Variants in GPBP1 observed in about 807,000 individuals in gnomAD.
The protein encoded by GPBP1 is vasculin.
A neutral mutation model predicts 56.5 loss-of-function variants in GPBP1; 13 were observed. That is an observed-to-expected ratio of 0.23 (90% confidence interval 0.15 to 0.37). The LOEUF is 0.37. Ranked by LOEUF, GPBP1 falls within the 10% of genes least tolerant of loss-of-function variation. The probability of loss-of-function intolerance (pLI) is 1.00; values close to 1 mark genes in which losing one functional copy is unlikely to be tolerated. For synonymous variants in GPBP1, 204 were observed against 188.9 expected (o/e 1.08, Z -0.66); for missense variants, 477 against 572.3 (o/e 0.83, Z 1.70).
At chr5:57,187,661 C>T (rs546079741) in intron 2 of GPBP1, among the ~76,000 whole-genome samples, 1 of 152,232 alleles carries the variant, frequency 6.6e-6, no homozygotes, top group East Asian at 1.9e-4. Flanking sequence ...TGACTTAATT[C>T]TTGCTCTATA....
At chr5:57,174,899 G>T (rs1249674246) in intron 1 of GPBP1, among the ~76,000 whole-genome samples, 2 of 152,218 alleles carry the variant, frequency 1.3e-5, no homozygotes, top group Non-Finnish European at 2.9e-5. Flanking sequence ...CTCCTCGGGA[G>T]AATTTAAGAA....
chr5:57,189,756 ATTGT>A (rs1299308574), intron 2 of GPBP1, among the ~76,000 whole-genome samples: 3 of 152,150 alleles, frequency 2.0e-5, no homozygotes, highest in African/African-American at 7.2e-5. Flanking sequence ...AAGGATCTGC[ATTGT>A]TTATTTGTTC....
At chr5:57,177,648 C>CTTTTT (rs58708281) in intron 2 of GPBP1, among the ~76,000 whole-genome samples, 2,216 of 91,994 alleles carry the variant, frequency 0.024, 151 homozygotes, top group Non-Finnish European at 0.034. Flanking sequence ...CAATTTTTGC[C>CTTTTT]TTTTTTTTTT....
At chr5:57,217,730 C>T (rs1476780534) in intron 3 of GPBP1, among the ~76,000 whole-genome samples, 3 of 151,958 alleles carry the variant, frequency 2.0e-5, no homozygotes, top group Non-Finnish European at 4.4e-5. Context: ...CATATTGACT[C>T]TCTTGGGTCA....
chr5:57,231,714 CTT>C (rs979123684), intron 5 of GPBP1, among the ~76,000 whole-genome samples: 1 of 152,198 alleles, frequency 6.6e-6, no homozygotes, highest in African/African-American at 2.4e-5. Context: ...AATTTGCACT[CTT>C]TTTATATATT....
At chr5:57,248,297 A>ATGG (rs1741186555) in intron 8 of GPBP1, among the ~76,000 whole-genome samples, 1 of 152,182 alleles carries the variant, frequency 6.6e-6, no homozygotes, top group East Asian at 1.9e-4. Flanking sequence ...CATTTGATCA[A>ATGG]GGTTTTGAAA....
intron 2 of GPBP1, among the ~76,000 whole-genome samples, chr5:57,213,095 CCA>C (rs1755560570): frequency 6.7e-6 from 1 of 149,512 alleles, no homozygotes; most frequent in South Asian, 2.2e-4. Context: ...GCTCTTTTGC[CCA>C]GGCTGGAGTG....
At chr5:57,174,472 G>A (rs1027425796) in intron 1 of GPBP1, among the ~76,000 whole-genome samples, 2 of 152,160 alleles carry the variant, frequency 1.3e-5, no homozygotes, top group African/African-American at 4.8e-5. Flanking sequence ...GGCTTGGTTG[G>A]GGGGTGTTTG....
intron 3 of GPBP1, among the ~76,000 whole-genome samples, chr5:57,222,547 T>C (rs1755997857): frequency 6.6e-6 from 1 of 152,170 alleles, no homozygotes; most frequent in Non-Finnish European, 1.5e-5. Context: ...AAGGATACCA[T>C]CTCTAGTATC....
At chr5:57,234,586 T>TA (rs138591125) in intron 5 of GPBP1, among the ~76,000 whole-genome samples, 14,181 of 152,134 alleles carry the variant, frequency 0.093, 747 homozygotes, top group South Asian at 0.13. Context: ...AAGTTTTTAT[T>TA]AAAAAATTAA....
chr5:57,214,462 G>GTAT (rs1048911308), intron 3 of GPBP1, among the ~76,000 whole-genome samples: 1 of 152,044 alleles, frequency 6.6e-6, no homozygotes, highest in African/African-American at 2.4e-5. Flanking sequence ...GTGCATGCCT[G>GTAT]TATTCCCAGC....
intron 8 of GPBP1, 147 bp from the exon 9 acceptor site, chr5:57,249,262 G>T (rs1223350394): frequency 1.9e-6 from 1 of 534,370 alleles, no homozygotes; most frequent in East Asian, 3.2e-5. Context: ...GGAAAAAACA[G>T]GGATAGAACT....
chr5:57,242,122 T>G (rs1401288289), intron 6 of GPBP1, among the ~76,000 whole-genome samples: 1 of 152,206 alleles, frequency 6.6e-6, no homozygotes, highest in African/African-American at 2.4e-5. Context: ...CATAGATTGG[T>G]TTTATCATGT....
intron 1 of GPBP1, among the ~76,000 whole-genome samples, chr5:57,174,967 C>G (rs1054255904): frequency 1.3e-5 from 2 of 152,158 alleles, no homozygotes; most frequent in East Asian, 1.9e-4. Context: ...GAATATGCCT[C>G]CTCTAGTAGA....
chr5:57,228,805 GAAAA>G (rs59587632), intron 3 of GPBP1, among the ~76,000 whole-genome samples: 33 of 142,728 alleles, frequency 2.3e-4, no homozygotes, highest in East Asian at 2.2e-3. Context: ...ATGCAAGACT[GAAAA>G]AAAAAAACTA....
intron 2 of GPBP1, among the ~76,000 whole-genome samples, chr5:57,181,706 A>C (rs1754058424): frequency 6.6e-6 from 1 of 152,128 alleles, no homozygotes; most frequent in Non-Finnish European, 1.5e-5. Flanking sequence ...TACAGGTGTG[A>C]GCCACCATGC....
intron 3 of GPBP1, among the ~76,000 whole-genome samples, chr5:57,228,107 ATTAC>A (rs2111836829): frequency 6.6e-6 from 1 of 152,334 alleles, no homozygotes; most frequent in African/African-American, 2.4e-5. Flanking sequence ...ACCCTGTTTA[ATTAC>A]TTCTTTATAT....
intron 10 of GPBP1, among the ~76,000 whole-genome samples, chr5:57,254,862 A>G (rs1238576650): frequency 6.6e-6 from 1 of 152,208 alleles, no homozygotes; most frequent in Non-Finnish European, 1.5e-5. Context: ...TTTATTGTAC[A>G]TTTAATGTGA....
At chr5:57,223,015 G>A (rs533469489) in intron 3 of GPBP1, among the ~76,000 whole-genome samples, 1 of 151,922 alleles carries the variant, frequency 6.6e-6, no homozygotes, top group South Asian at 2.1e-4. Flanking sequence ...TTTCATATTG[G>A]GTTATGTTTG....
Sources: gnomAD v4.1 joint callset for allele counts (sites outside exome capture counted in the v4.1 genomes callset) on GRCh38, gnomAD v4.1.1 for gene constraint, MANE v1.5 for transcripts, NCBI Gene and HGNC (gene_info 2026-07-23, HGNC 2026-07-21) for gene names.